The following PRKG1 variants were observed in gnomAD, a reference collection of about 807,000 sequenced individuals.
The protein encoded by PRKG1 is protein kinase cGMP-dependent 1, also known as cGMP-dependent protein kinase 1.
Under a neutral mutation model 88.1 loss-of-function variants are expected in PRKG1, and 35 were observed. The observed-to-expected ratio is 0.40, with a 90% CI of 0.30 to 0.53. PRKG1 has a LOEUF of 0.53. Ranked by LOEUF, PRKG1 falls within the 20% of genes least tolerant of loss-of-function variation. The pLI, the probability that PRKG1 is intolerant of heterozygous loss-of-function variation, is 0.59. For synonymous variants in PRKG1, 303 were observed against 292.5 expected (o/e 1.04, Z -0.37); for missense variants, 540 against 839.8 (o/e 0.64, Z 4.41).
rs1437408326 is a variant in PRKG1, at chr10:51,034,908, G to T, written c.266+43264G>T. ...TTCATTTAGCAAATTACTTATTGAG[G>T]CTTCACATGTCTCAGGCCTGTGCTA... On this transcript the variant is annotated intron_variant, in intron 1 of 17. Transcript: ENST00000401604. Among the ~76,000 whole-genome samples the T allele has an allele frequency of 2.0e-5, 3 of 151,738 alleles. No homozygotes were observed. The East Asian group carries it at 5.8e-4, about 29-fold the overall frequency.
At chr10:51,294,986 G>A (rs944206729) in intron 2 of PRKG1, among the ~76,000 whole-genome samples, 1 of 152,122 alleles carries the variant, frequency 6.6e-6, no homozygotes, top group Non-Finnish European at 1.5e-5. Context: ...GGGAGACTGA[G>A]GGGGGAGGAT....
chr10:51,127,979 G>A (rs951677739), intron 1 of PRKG1, among the ~76,000 whole-genome samples: 1 of 152,184 alleles, frequency 6.6e-6, no homozygotes, highest in African/African-American at 2.4e-5. Flanking sequence ...GCAAGGGAAG[G>A]GAGAGCATTA....
intron 9 of PRKG1, among the ~76,000 whole-genome samples, chr10:52,222,376 A>G (rs1840267935): frequency 6.6e-6 from 1 of 152,092 alleles, no homozygotes; most frequent in Non-Finnish European, 1.5e-5. Flanking sequence ...TGATCCCTAA[A>G]CTCCAAGCCT....
At chr10:51,983,374 G>A (rs1844065280) in intron 5 of PRKG1, among the ~76,000 whole-genome samples, 1 of 152,110 alleles carries the variant, frequency 6.6e-6, no homozygotes, top group South Asian at 2.1e-4. Flanking sequence ...ATGGCATGGG[G>A]GCAGTCCCAC....
intron 2 of PRKG1, among the ~76,000 whole-genome samples, chr10:51,275,861 G>A (rs2132187543): frequency 6.6e-6 from 1 of 152,078 alleles, no homozygotes; most frequent in African/African-American, 2.4e-5. Context: ...AAGTAAAAGT[G>A]GCCCAGAAAG....
chr10:51,876,697 G>A (rs1004373014), intron 4 of PRKG1, among the ~76,000 whole-genome samples: 1 of 152,110 alleles, frequency 6.6e-6, no homozygotes, highest in African/African-American at 2.4e-5. Flanking sequence ...GTTTGCTTGA[G>A]GGCCTCTTGC....
At chr10:51,555,663 G>T (rs566415147) in intron 3 of PRKG1, among the ~76,000 whole-genome samples, 7 of 151,992 alleles carry the variant, frequency 4.6e-5, no homozygotes, top group Admixed American at 3.3e-4. Context: ...CTTCCTGTTG[G>T]CAGGTAGCTG....
At chr10:52,222,045 C>T (rs111738450) in intron 9 of PRKG1, among the ~76,000 whole-genome samples, 3,108 of 152,206 alleles carry the variant, frequency 0.02, 85 homozygotes, top group South Asian at 0.15. Flanking sequence ...TATTAGGTCA[C>T]CAGCTGCTCC....
intron 1 of PRKG1, among the ~76,000 whole-genome samples, chr10:51,048,287 CCT>C (rs752984004): frequency 1.6e-4 from 24 of 151,590 alleles, no homozygotes; most frequent in African/African-American, 4.6e-4. Flanking sequence ...TTTTACTTCC[CCT>C]CTCTTTCCTC....
intron 2 of PRKG1, among the ~76,000 whole-genome samples, chr10:51,262,016 A>G (rs1839721818): frequency 6.7e-6 from 1 of 149,514 alleles, no homozygotes; most frequent in African/African-American, 2.5e-5. Context: ...CCTCCCGAGT[A>G]GCTGGGACTA....
intron 3 of PRKG1, among the ~76,000 whole-genome samples, chr10:51,590,599 C>T (rs1188147095): frequency 6.6e-6 from 1 of 152,296 alleles, no homozygotes; most frequent in East Asian, 1.9e-4. Context: ...AATTGCTTAG[C>T]ATAAAAATGC....
intron 4 of PRKG1, among the ~76,000 whole-genome samples, chr10:51,824,046 G>A (rs1379366743): frequency 6.6e-6 from 1 of 151,582 alleles, no homozygotes; most frequent in African/African-American, 2.4e-5. Flanking sequence ...GCCAATTTTT[G>A]TACATTTTGT....
intron 1 of PRKG1, among the ~76,000 whole-genome samples, chr10:51,147,697 G>A (rs1272158410): frequency 2.6e-5 from 4 of 152,074 alleles, no homozygotes; most frequent in South Asian, 4.1e-4. Context: ...TAACTATGTC[G>A]CTAACATTAA....
intron 3 of PRKG1, among the ~76,000 whole-genome samples, chr10:51,675,793 A>G (rs1297060231): frequency 6.6e-6 from 1 of 152,180 alleles, no homozygotes. Flanking sequence ...AAGATTCTAT[A>G]GTTCTTGAAC....
In PRKG1 at chr10:51,537,727, CAA is replaced by C. The variant is rs33928221; in HGVS notation, c.592+69911_592+69912del. Among the ~76,000 whole-genome samples, 385 of 107,564 alleles carry C rather than the reference CAA, an allele frequency of 3.6e-3. 3 individuals carry two copies. Among genetic ancestry groups the C allele is most frequent in the African/African-American group, 0.014 (367 of 26,820 alleles). 70.6% of individuals were successfully genotyped at this position (107,564 alleles called of 152,430 possible). A position where few individuals can be genotyped will look rare whatever the true frequency, so the allele number is the denominator to read the frequency against. ...TATGTGACAGAGCAAGAGTCTGTCTCAAAAAAAAAAAAAAAAAAAAATTACTC... is the reference window on the plus strand; with the variant it reads ...TATGTGACAGAGCAAGAGTCTGTCTCAAAAAAAAAAAAAAAAAAATTACTC... On this transcript the variant is annotated intron_variant, in intron 3 of 17. Transcript: ENST00000373980.
chr10:51,289,550 G>T (rs914971670), intron 2 of PRKG1, among the ~76,000 whole-genome samples: 2 of 152,048 alleles, frequency 1.3e-5, no homozygotes, highest in Non-Finnish European at 2.9e-5. Context: ...TTAAGAGATT[G>T]TACTAGATGT....
intron 2 of PRKG1, among the ~76,000 whole-genome samples, chr10:51,340,650 C>A (rs917999010): frequency 4.6e-5 from 7 of 152,122 alleles, no homozygotes; most frequent in African/African-American, 1.7e-4. Flanking sequence ...TAAGCCAAAC[C>A]AATACATATC....
intron 2 of PRKG1, among the ~76,000 whole-genome samples, chr10:51,161,066 A>T (rs185245297): frequency 2.6e-3 from 400 of 152,320 alleles, no homozygotes; most frequent in Non-Finnish European, 4.1e-3. Flanking sequence ...ATATATTTTA[A>T]GAATTCTTTA....
intron 3 of PRKG1, among the ~76,000 whole-genome samples, chr10:51,576,377 A>C (rs1327574199): frequency 2.0e-5 from 3 of 151,964 alleles, no homozygotes. Flanking sequence ...ACAATGTATC[A>C]TGGGCTTTCT....
Sources: gnomAD v4.1 joint callset for allele counts (sites outside exome capture counted in the v4.1 genomes callset) on GRCh38, gnomAD v4.1.1 for gene constraint, MANE v1.5 for transcripts, NCBI Gene and HGNC (gene_info 2026-07-23, HGNC 2026-07-21) for gene names.